Variants in CACNA1E observed in about 807,000 individuals in gnomAD.
CACNA1E encodes the protein voltage-dependent R-type calcium channel subunit alpha-1E.
A neutral mutation model predicts 259.2 loss-of-function variants in CACNA1E; 40 were observed. The observed-to-expected ratio is 0.15, with a 90% CI of 0.12 to 0.20. The LOEUF is 0.20. CACNA1E is among the 10% of genes least tolerant of loss of function. The pLI is 1.00. For missense variants in CACNA1E, 1,874 were observed against 3,040.1 expected, an observed-to-expected ratio of 0.62 and a Z score of 9.02; for synonymous variants, 1,104 against 1,138.5, an observed-to-expected ratio of 0.97 and a Z score of 0.61.
At chr1:181,653,574 G>A (rs1381664967) in intron 7 of CACNA1E, among the ~76,000 whole-genome samples, 4 of 152,144 alleles carry the variant, frequency 2.6e-5, no homozygotes, top group Non-Finnish European at 5.9e-5. Flanking sequence ...CTCCCTCCAA[G>A]GGCTCTAAAG....
intron 3 of CACNA1E, among the ~76,000 whole-genome samples, chr1:181,544,530 T>C (rs974978485): frequency 1.3e-5 from 2 of 152,184 alleles, no homozygotes; most frequent in Non-Finnish European, 2.9e-5. Flanking sequence ...AGTACAAATA[T>C]CCAATTGCAG....
intron 3 of CACNA1E, among the ~76,000 whole-genome samples, chr1:181,544,959 G>T (rs1647287875): frequency 6.6e-6 from 1 of 152,154 alleles, no homozygotes; most frequent in Admixed American, 6.5e-5. Flanking sequence ...ACTTCAGCGT[G>T]CATCAAAATC....
chr1:181,707,446 C>T (rs1447027028), intron 7 of CACNA1E, among the ~76,000 whole-genome samples: 1 of 152,086 alleles, frequency 6.6e-6, no homozygotes. Context: ...CAGGAAACTT[C>T]CAAACACAAG....
intron 2 of CACNA1E, among the ~76,000 whole-genome samples, chr1:181,449,002 G>T (rs1408618073): frequency 6.6e-6 from 1 of 152,246 alleles, no homozygotes; most frequent in Non-Finnish European, 1.5e-5. Flanking sequence ...GAGGAGCTGT[G>T]CAGAGAAAGA....
Position 181,642,942 on chromosome 1 carries a change from T to A in CACNA1E, c.952-8396T>A, listed in dbSNP as rs769226865. Among the ~76,000 whole-genome samples, 52 of 152,016 alleles carry A rather than the reference T, an allele frequency of 3.4e-4. 1 individual carries two copies. The highest frequency in any genetic ancestry group is 5.6e-4 in the Non-Finnish European group (38 of 67,994). On this transcript the variant is annotated intron_variant, in intron 6 of 47. Transcript: ENST00000367573. ...CCTAAAACAACACTTTGTTATTGCA[T>A]GATAGTTGCAAAAATATAAAAATAA...
At chr1:181,721,367 GC>G (rs1007867818) in intron 15 of CACNA1E, among the ~76,000 whole-genome samples, 1 of 152,174 alleles carries the variant, frequency 6.6e-6, no homozygotes, top group African/African-American at 2.4e-5. Context: ...CTGAACTGCA[GC>G]CCACAAGGCT....
At chr1:181,684,746 T>C (rs1650337127) in intron 7 of CACNA1E, among the ~76,000 whole-genome samples, 1 of 152,150 alleles carries the variant, frequency 6.6e-6, no homozygotes, top group Non-Finnish European at 1.5e-5. Context: ...TCTTTCCCTA[T>C]TGCTTCTTAT....
intron 1 of CACNA1E, among the ~76,000 whole-genome samples, chr1:181,502,023 G>A (rs746829509): frequency 6.6e-6 from 1 of 152,150 alleles, no homozygotes; most frequent in Non-Finnish European, 1.5e-5. Flanking sequence ...GGGACAGTAT[G>A]GAGTAGGCAG....
At chr1:181,460,843 T>G (rs1400893061) in intron 2 of CACNA1E, among the ~76,000 whole-genome samples, 1 of 152,224 alleles carries the variant, frequency 6.6e-6, no homozygotes, top group African/African-American at 2.4e-5. Context: ...AATTCTAGTT[T>G]GACCCGTTTC....
intron 3 of CACNA1E, among the ~76,000 whole-genome samples, chr1:181,517,141 G>A (rs900949628): frequency 1.3e-5 from 2 of 152,226 alleles, no homozygotes; most frequent in African/African-American, 2.4e-5. Flanking sequence ...TGGCCCTGGG[G>A]CACTGGGGAA....
chr1:181,319,708 G>A (rs35663683), intron 1 of CACNA1E, among the ~76,000 whole-genome samples: 11,945 of 152,264 alleles, frequency 0.078, 612 homozygotes, highest in South Asian at 0.15. Context: ...GGCCAATGAA[G>A]ACTCCCATGC....
At chr1:181,326,605 C>A (rs893097085) in intron 1 of CACNA1E, among the ~76,000 whole-genome samples, 1 of 152,138 alleles carries the variant, frequency 6.6e-6, no homozygotes, top group Non-Finnish European at 1.5e-5. Context: ...ATTTATGGTC[C>A]ACACATCCCT....
At chr1:181,369,860 G>T (rs555650682) in intron 1 of CACNA1E, among the ~76,000 whole-genome samples, 1 of 152,288 alleles carries the variant, frequency 6.6e-6, no homozygotes, top group African/African-American at 2.4e-5. Context: ...TAGGCAAATT[G>T]TGTGTCATGG....
Position 181,781,753 on chromosome 1 carries a change from T to G in CACNA1E, c.5364+230T>G, listed in dbSNP as rs1485924906. Among the ~76,000 whole-genome samples the G allele has an allele frequency of 2.0e-5, 3 of 152,198 alleles. No individual in the cohort carries two copies. The East Asian group carries it at 5.8e-4, about 29-fold the overall frequency. ...TTCAACATGGTTTTTTATGTGATAT[T>G]TTGTGTTTCTACAACTGTGTGGCTT... On this transcript the variant is annotated intron_variant, in intron 39 of 47. Transcript: ENST00000367573.
chr1:181,357,394 A>T (rs556839927), intron 1 of CACNA1E, among the ~76,000 whole-genome samples: 10 of 152,344 alleles, frequency 6.6e-5, no homozygotes, highest in African/African-American at 1.2e-4. Flanking sequence ...ATATGAGAAA[A>T]TGGAGATGGA....
upstream of CACNA1E, among the ~76,000 whole-genome samples, chr1:181,482,633 T>G (rs968910316): frequency 6.6e-6 from 1 of 152,186 alleles, no homozygotes; most frequent in African/African-American, 2.4e-5. Context: ...TGCGCGCCGC[T>G]CGCTGTCCTC....
intron 3 of CACNA1E, among the ~76,000 whole-genome samples, chr1:181,544,831 G>T (rs1388410341): frequency 6.6e-6 from 1 of 152,210 alleles, no homozygotes; most frequent in East Asian, 1.9e-4. Context: ...GCAAATGACA[G>T]ATAGCAATTT....
chr1:181,524,772 G>C (rs1344214725), intron 3 of CACNA1E, among the ~76,000 whole-genome samples: 1 of 152,238 alleles, frequency 6.6e-6, no homozygotes, highest in Non-Finnish European at 1.5e-5. Context: ...ACAAGGAACA[G>C]CCATGTGGCT....
chr1:181,579,276 T>G, intron 5 of CACNA1E, 52 bp downstream of exon 5: 3 of 1,441,442 alleles, frequency 2.1e-6, no homozygotes, highest in Non-Finnish European at 2.9e-6. Flanking sequence ...CTCTGTTAAC[T>G]GGGGTAATTT....
Sources: gnomAD v4.1 joint callset for allele counts (sites outside exome capture counted in the v4.1 genomes callset) on GRCh38, gnomAD v4.1.1 for gene constraint, MANE v1.5 for transcripts, NCBI Gene and HGNC (gene_info 2026-07-23, HGNC 2026-07-21) for gene names.